The following TRPM7 variants were observed in gnomAD, a reference collection of about 807,000 sequenced individuals.
The protein encoded by TRPM7 is transient receptor potential cation channel subfamily M member 7, also known as LTRPC ion channel family member 7.
A neutral mutation model predicts 229.7 loss-of-function variants in TRPM7; 134 were observed. The ratio of observed to expected loss-of-function variants is 0.58; its 90% CI spans 0.51 to 0.67. TRPM7 has a LOEUF of 0.67. Ranked by LOEUF, TRPM7 falls within the 30% of genes least tolerant of loss-of-function variation. The pLI is 0.00. For synonymous variants in TRPM7, 699 were observed against 715.2 expected, an observed-to-expected ratio of 0.98 and a Z score of 0.36; for missense variants, 1,901 against 2,210.0, an observed-to-expected ratio of 0.86 and a Z score of 2.80.
At chr15:50,574,778 G>C in intron 34 of TRPM7, 59 bp from the exon 35 acceptor site, 2 of 1,583,906 alleles carry the variant, frequency 1.3e-6, no homozygotes, top group South Asian at 2.3e-5. Flanking sequence ...ATTATATTTG[G>C]CTTATTGATA....
intron 1 of TRPM7, among the ~76,000 whole-genome samples, chr15:50,683,947 G>A (rs1476218354): frequency 6.7e-6 from 1 of 150,348 alleles, no homozygotes; most frequent in East Asian, 2.0e-4. Flanking sequence ...TGCAACCTCC[G>A]CCTCCAAGTT....
intron 38 of TRPM7, among the ~76,000 whole-genome samples, chr15:50,568,302 G>C (rs760420275): frequency 3.3e-5 from 5 of 151,142 alleles, no homozygotes; most frequent in Non-Finnish European, 7.4e-5. Context: ...GGAAATCCTT[G>C]CCAGTGCAAA....
intron 1 of TRPM7, among the ~76,000 whole-genome samples, chr15:50,678,163 C>T (rs985284679): frequency 6.6e-6 from 1 of 150,792 alleles, no homozygotes; most frequent in Non-Finnish European, 1.5e-5. Context: ...ATGGCGTGAA[C>T]CCAAGAGGCA....
chr15:50,612,488 C>T, intron 16 of TRPM7, 61 bp downstream of exon 16: 2 of 1,486,746 alleles, frequency 1.3e-6, no homozygotes, highest in South Asian at 1.2e-5. Context: ...CTGTAACAGC[C>T]ACTCAAACAA....
chr15:50,621,060 G>T (rs1357778435), intron 12 of TRPM7, among the ~76,000 whole-genome samples: 1 of 150,916 alleles, frequency 6.6e-6, no homozygotes, highest in Non-Finnish European at 1.5e-5. Context: ...TCGGGAGGCT[G>T]AGGCAGGAGA....
intron 3 of TRPM7, among the ~76,000 whole-genome samples, chr15:50,655,596 G>A (rs867526764): frequency 6.6e-6 from 1 of 151,980 alleles, no homozygotes. Flanking sequence ...AATATTTAAA[G>A]TAGCTAGAGA....
intron 1 of TRPM7, among the ~76,000 whole-genome samples, chr15:50,685,948 C>A (rs757194112): frequency 8.5e-5 from 13 of 152,192 alleles, no homozygotes; most frequent in South Asian, 2.1e-4. Context: ...GAAAAAAGAT[C>A]TACCATCAAT....
At chr15:50,576,812 T>C (rs779989688) in intron 31 of TRPM7, among the ~76,000 whole-genome samples, 1 of 152,118 alleles carries the variant, frequency 6.6e-6, no homozygotes, top group Non-Finnish European at 1.5e-5. Context: ...GAATATCAAA[T>C]TGTTAAGAGG....
intron 12 of TRPM7, 61 bp downstream of exon 12, chr15:50,624,105 G>A: frequency 6.6e-7 from 1 of 1,510,998 alleles, no homozygotes. Flanking sequence ...CTATATTCAG[G>A]TAAAGTAACA....
rs575044679 is a variant in TRPM7, at chr15:50,655,173, C to T, written c.122+2608G>A. ...CTTCCTGGCCAAATGCAGTGGCTCA[C>T]GCCTGTAATCCCAGCACTTTGGGTG... On this transcript the variant is annotated intron_variant, in intron 3 of 38. Transcript: ENST00000646667. 8.0e-5 allele frequency among the ~76,000 whole-genome samples: 12 copies of T among 150,652 alleles called. No homozygotes were observed. The East Asian group carries it at 9.7e-4, about 12-fold the overall frequency.
intron 3 of TRPM7, among the ~76,000 whole-genome samples, chr15:50,653,874 G>A (rs1357652762): frequency 6.6e-6 from 1 of 152,080 alleles, no homozygotes; most frequent in Non-Finnish European, 1.5e-5. Context: ...GTCTGTGAAC[G>A]GGGTCCTAAA....
chr15:50,586,397 T>C lies in TRPM7; in HGVS notation c.4481A>G (p.Lys1494Arg). The change falls in exon 28 of 39, where the codon AAA becomes AGA. Residue 1494 changes from lysine (K) to arginine (R), a missense_variant. Coordinates refer to ENST00000646667, the MANE Select transcript of TRPM7 (RefSeq NM_017672.6). Reference protein sequence around the residue: ...CHRTSIPVHSKQAEKISRRPS... With the variant: ...CHRTSIPVHSRQAEKISRRPS... Reference sequence around the variant, plus strand: ...CATATGGTCAAAATACTCACCTTGTTTTGAATGAACAGGAATGGAAGTTCT... The same window carrying C: ...CATATGGTCAAAATACTCACCTTGTCTTGAATGAACAGGAATGGAAGTTCT... The C allele has an allele frequency of 6.2e-7, 1 of 1,600,566 alleles. No homozygotes were observed. Among genetic ancestry groups the C allele is most frequent in the Non-Finnish European group, 8.6e-7 (1 of 1,167,874 alleles).
chr15:50,645,131 T>C (rs951626211), intron 4 of TRPM7, among the ~76,000 whole-genome samples: 15 of 150,798 alleles, frequency 9.9e-5, no homozygotes, highest in African/African-American at 3.7e-4. Flanking sequence ...TCTTGAACTC[T>C]TGGGCTCAAG....
At chr15:50,565,646 T>C (rs2053565188) in intron 38 of TRPM7, among the ~76,000 whole-genome samples, 1 of 152,146 alleles carries the variant, frequency 6.6e-6, no homozygotes, top group African/African-American at 2.4e-5. Flanking sequence ...CCAATTATAT[T>C]TGGAGACTTC....
intron 2 of TRPM7, among the ~76,000 whole-genome samples, chr15:50,658,359 G>A (rs1254342987): frequency 6.6e-6 from 1 of 151,830 alleles, no homozygotes; most frequent in East Asian, 1.9e-4. Context: ...AATTGCTTGA[G>A]TCCAGGAGTT....
chr15:50,623,703 T>C lies in TRPM7; in HGVS notation c.1440+463A>G, dbSNP rs1388464000. Among the ~76,000 whole-genome samples the C allele has an allele frequency of 2.6e-5, 4 of 151,338 alleles. No homozygotes were observed. The East Asian group carries it at 5.8e-4, about 22-fold the overall frequency. ...AATGTGAAAGTCTTTGTTACGAGAA[T>C]AGTAAGTTTTCAGGAGTCCTTTACA... On this transcript the variant is annotated intron_variant, in intron 12 of 38. Coordinates refer to ENST00000646667, the MANE Select transcript of TRPM7 (RefSeq NM_017672.6).
intron 1 of TRPM7, among the ~76,000 whole-genome samples, chr15:50,672,366 ATTTT>A (rs879888255): frequency 6.9e-6 from 1 of 145,408 alleles, no homozygotes. Flanking sequence ...ACTCCTACCT[ATTTT>A]TTTTTTTAAC....
intron 1 of TRPM7, among the ~76,000 whole-genome samples, chr15:50,682,478 A>G (rs2140988763): frequency 6.6e-6 from 1 of 151,990 alleles, no homozygotes; most frequent in African/African-American, 2.4e-5. Context: ...CTAGAGGCTG[A>G]GGCAGGAGAA....
chr15:50,591,182 C>A (rs2059482443), intron 26 of TRPM7, among the ~76,000 whole-genome samples: 1 of 152,056 alleles, frequency 6.6e-6, no homozygotes, highest in Non-Finnish European at 1.5e-5. Context: ...CAGTAGATTC[C>A]TAGATTTCCA....
Sources: allele counts gnomAD v4.1 joint callset (sites outside exome capture counted in the v4.1 genomes callset), GRCh38; gene constraint gnomAD v4.1.1; transcripts MANE v1.5; gene names NCBI Gene and HGNC (gene_info 2026-07-23, HGNC 2026-07-21).